TTC7A: variants seen among roughly 807,000 people sequenced by gnomAD.
TTC7A encodes tetratricopeptide repeat protein 7A.
A neutral mutation model predicts 103.7 loss-of-function variants in TTC7A; 110 were observed. The ratio of observed to expected loss-of-function variants is 1.06; its 90% CI spans 0.91 to 1.24. The LOEUF (loss-of-function observed/expected upper bound fraction) is 1.24, where lower values mean the gene tolerates loss of function less well. Among genes scored for constraint, TTC7A ranks in the 50% most tolerant of loss-of-function variants. The pLI is 0.00. For synonymous variants in TTC7A, 521 were observed against 467.9 expected (o/e 1.11, Z -1.47); for missense variants, 1,340 against 1,116.3 (o/e 1.20, Z -2.86).
chr2:46,993,595 C>G, intron 6 of TTC7A, 67 bp downstream of exon 6: 7 of 1,479,908 alleles, frequency 4.7e-6, no homozygotes, highest in Non-Finnish European at 6.6e-6. Context: ...AACAGAAGTC[C>G]TTGCAGGGAG....
intron 5 of TTC7A, among the ~76,000 whole-genome samples, 185 bp downstream of exon 5, chr2:46,979,092 A>G (rs1419677637): frequency 1.3e-5 from 2 of 152,124 alleles, no homozygotes; most frequent in East Asian, 3.9e-4. Context: ...CTTAGTGGGA[A>G]GGGCCACGCT....
chr2:46,954,620 G>A (rs1671689822), intron 2 of TTC7A, among the ~76,000 whole-genome samples: 1 of 143,904 alleles, frequency 6.9e-6, no homozygotes, highest in Non-Finnish European at 1.5e-5. Flanking sequence ...CACCCAGGCT[G>A]GAGTACAGTG....
chr2:46,964,921 C>T (rs1572744693), intron 3 of TTC7A, among the ~76,000 whole-genome samples: 3 of 152,282 alleles, frequency 2.0e-5, no homozygotes, highest in Non-Finnish European at 1.5e-5. Context: ...GAGCACAGGC[C>T]CCTTGAGAAT....
At chr2:46,962,950 T>C (rs1672516831) in intron 3 of TTC7A, among the ~76,000 whole-genome samples, 2 of 152,246 alleles carry the variant, frequency 1.3e-5, no homozygotes, top group South Asian at 2.1e-4. Context: ...TGCCATTGCA[T>C]CATCTTCATG....
Position 47,073,991 on chromosome 2 carries a change from T to A in TTC7A, c.*68T>A. On this transcript the variant is annotated 3_prime_UTR_variant, in exon 20 of 20. Transcript: ENST00000319190. ...AGGCAGCAGGGAACGTGGGTCAGGG[T>A]GGGGCAACAGTGGCATCAGGTGCGG... is the stretch of plus-strand genomic sequence containing the variant. 7.4e-7 allele frequency: 1 copy of A among 1,342,720 alleles called. No individual in the cohort carries two copies. The highest frequency in any genetic ancestry group is 2.5e-5 in the East Asian group (1 of 40,666). The allele number at this position is 1,342,720 out of a possible 1,614,324, so 83.2% of individuals were successfully genotyped here.
intron 11 of TTC7A, among the ~76,000 whole-genome samples, chr2:47,017,538 A>G (rs1678803790): frequency 6.6e-6 from 1 of 152,176 alleles, no homozygotes; most frequent in Non-Finnish European, 1.5e-5. Context: ...CCCCATCTCA[A>G]AAATAAAATA....
intron 19 of TTC7A, among the ~76,000 whole-genome samples, chr2:47,064,362 C>G (rs765283003): frequency 3.9e-5 from 6 of 152,234 alleles, no homozygotes; most frequent in Non-Finnish European, 8.8e-5. Context: ...TCTCCAGTAG[C>G]TGGAAATCCC....
At chr2:47,004,994 A>G (rs1677221704) in intron 8 of TTC7A, among the ~76,000 whole-genome samples, 1 of 152,122 alleles carries the variant, frequency 6.6e-6, no homozygotes, top group Non-Finnish European at 1.5e-5. Context: ...TGGCTTGGTG[A>G]TGAGGAGCTC....
At chr2:47,022,087 A>G (rs901585652) in intron 12 of TTC7A, 108 bp downstream of exon 12, 3 of 729,388 alleles carry the variant, frequency 4.1e-6, no homozygotes, top group East Asian at 2.6e-5. Flanking sequence ...CCATGCCTCC[A>G]TAGACACCAT....
At chr2:46,968,927 T>A (rs1167112346) in intron 3 of TTC7A, among the ~76,000 whole-genome samples, 3 of 104,660 alleles carry the variant, frequency 2.9e-5, no homozygotes, top group African/African-American at 1.0e-4. Flanking sequence ...CTCTGTTTTG[T>A]TTTTGTGTTT....
chr2:46,987,533 A>C (rs1235188513), intron 5 of TTC7A, among the ~76,000 whole-genome samples: 1 of 152,148 alleles, frequency 6.6e-6, no homozygotes, highest in Non-Finnish European at 1.5e-5. Flanking sequence ...GCAAGAGCCC[A>C]TTTCTCTCTG....
At chr2:46,976,677 G>A (rs905961027) in intron 4 of TTC7A, among the ~76,000 whole-genome samples, 4 of 152,176 alleles carry the variant, frequency 2.6e-5, no homozygotes, top group East Asian at 1.9e-4. Flanking sequence ...TGGTGAGGGC[G>A]GGGGGCTGCC....
chr2:46,978,803 C>G lies in TTC7A; in HGVS notation c.660C>G (p.Asn220Lys). 10 of 1,613,848 alleles carry G rather than the reference C, an allele frequency of 6.2e-6. No individual in the cohort carries two copies. The highest frequency in any genetic ancestry group is 7.6e-6 in the Non-Finnish European group (9 of 1,179,824). ...GTTTCCCTTCCCAGACCACAAATAA[C>G]AGCACGTCGAGGCATCTGAAAGGCT... is the stretch of plus-strand genomic sequence containing the variant. ...FLQELEKTTNNSTSRHLKGCH... is the reference protein window; with the variant it reads ...FLQELEKTTNKSTSRHLKGCH... The change falls in exon 5 of 20, where the codon AAC (asparagine) becomes AAG (lysine). Residue 220 changes from asparagine to lysine, a missense_variant. Coordinates refer to ENST00000319190, the MANE Select transcript of TTC7A (RefSeq NM_020458.4).
intron 8 of TTC7A, among the ~76,000 whole-genome samples, chr2:46,999,131 A>G (rs1010542476): frequency 1.3e-5 from 2 of 152,004 alleles, no homozygotes; most frequent in Admixed American, 6.6e-5. Context: ...TCATTCGTCC[A>G]CTTATTAATC....
chr2:47,060,929 G>GCTCA lies in TTC7A; in HGVS notation c.2315_2318dup (p.Val774HisfsTer12). 1 of 1,613,992 alleles carries GCTCA rather than the reference G, an allele frequency of 6.2e-7. No homozygotes were observed. Among genetic ancestry groups the GCTCA allele is most frequent in the Non-Finnish European group, 8.5e-7 (1 of 1,179,950 alleles). On this transcript the variant is annotated frameshift_variant, in exon 19 of 20. Transcript: ENST00000319190. LOFTEE classifies it high-confidence loss of function. ...AGGCCAAGCAGCTGTACAAGGAGGC[G>GCTCA]CTCACGGTGAACCCAGATGGCGTGC...
At chr2:46,952,882 A>G (rs1417939479) in intron 2 of TTC7A, among the ~76,000 whole-genome samples, 1 of 152,162 alleles carries the variant, frequency 6.6e-6, no homozygotes, top group East Asian at 1.9e-4. Context: ...ACATATATAC[A>G]CACAGATATT....
At chr2:46,984,075 C>T (rs1171731878) in intron 5 of TTC7A, among the ~76,000 whole-genome samples, 1 of 152,210 alleles carries the variant, frequency 6.6e-6, no homozygotes, top group African/African-American at 2.4e-5. Flanking sequence ...CCAGTATTCC[C>T]TGAGGGAAGC....
Position 47,076,091 on chromosome 2 carries a change from T to C in TTC7A, c.*2168T>C, listed in dbSNP as rs1184459754. The stretch of plus-strand genomic sequence containing the variant: ...ATGCCACATACCAACGTACTGTGGA[T>C]ATTATAACCTGCATTAAAACAACTC... On this transcript the variant is annotated 3_prime_UTR_variant, in exon 20 of 20. Transcript: ENST00000319190. 1 of 152,228 alleles carries C rather than the reference T, an allele frequency of 6.6e-6. No individual in the cohort carries two copies. Among genetic ancestry groups the C allele is most frequent in the African/African-American group, 2.4e-5 (1 of 41,436 alleles). 9.4% of individuals were successfully genotyped at this position (152,228 alleles called of 1,614,324 possible).
intron 2 of TTC7A, among the ~76,000 whole-genome samples, chr2:46,955,189 T>C (rs1671740943): frequency 6.6e-6 from 1 of 151,156 alleles, no homozygotes; most frequent in Admixed American, 6.6e-5. Flanking sequence ...TAGGTGTTAT[T>C]ATCTCTCCCT....
Sources: allele counts gnomAD v4.1 joint callset (sites outside exome capture counted in the v4.1 genomes callset), GRCh38; gene constraint gnomAD v4.1.1; transcripts MANE v1.5; gene names NCBI Gene and HGNC (gene_info 2026-07-23, HGNC 2026-07-21).